The following RIT2 variants were observed in gnomAD, a reference collection of about 807,000 sequenced individuals.
RIT2 encodes the protein Ras like without CAAX 2, also known as GTP-binding protein Rit2.
In RIT2, 24 loss-of-function variants were observed where a neutral mutation model predicts 23.7. That is an observed-to-expected ratio of 1.01 (90% confidence interval 0.73 to 1.43). The LOEUF (loss-of-function observed/expected upper bound fraction) is 1.43. Ranked by LOEUF, RIT2 falls within the 40% of genes most tolerant of loss-of-function variation. The pLI, the probability that RIT2 is intolerant of heterozygous loss-of-function variation, is 0.00. For synonymous variants in RIT2, 107 were observed against 91.1 expected, an observed-to-expected ratio of 1.17 and a Z score of -0.99; for missense variants, 236 against 266.9, an observed-to-expected ratio of 0.88 and a Z score of 0.81.
At chr18:42,802,106 A>G (rs541148302) in intron 4 of RIT2, among the ~76,000 whole-genome samples, 1 of 152,372 alleles carries the variant, frequency 6.6e-6, no homozygotes, top group African/African-American at 2.4e-5. Context: ...CAGAAAATAT[A>G]GGATATCATA....
intron 4 of RIT2, among the ~76,000 whole-genome samples, chr18:42,821,192 CA>C (rs2143992360): frequency 6.6e-6 from 1 of 152,124 alleles, no homozygotes; most frequent in African/African-American, 2.4e-5. Flanking sequence ...GAAAAACGGA[CA>C]AATACAGACC....
chr18:42,761,818 C>T (rs1913310489), intron 4 of RIT2, among the ~76,000 whole-genome samples: 1 of 152,168 alleles, frequency 6.6e-6, no homozygotes, highest in South Asian at 2.1e-4. Flanking sequence ...GCTGGGATTA[C>T]AGGAATGCAC....
At chr18:43,002,522 C>A (rs1246479224) in intron 2 of RIT2, among the ~76,000 whole-genome samples, 1 of 16,660 alleles carries the variant, frequency 6.0e-5, no homozygotes, top group African/African-American at 9.9e-5. Context: ...GTGACAATTA[C>A]CACCCTCTAC....
chr18:42,786,884 CA>C (rs1417565755), intron 4 of RIT2, among the ~76,000 whole-genome samples: 1 of 152,070 alleles, frequency 6.6e-6, no homozygotes, highest in Non-Finnish European at 1.5e-5. Flanking sequence ...TCATCCTGTT[CA>C]GAATTTCTAC....
chr18:42,776,750 C>A (rs965476586), intron 4 of RIT2, among the ~76,000 whole-genome samples: 3 of 152,098 alleles, frequency 2.0e-5, no homozygotes, highest in African/African-American at 7.2e-5. Flanking sequence ...CTGTTTCTCA[C>A]ACTCTCAATT....
chr18:42,997,346 G>C (rs533222451), intron 2 of RIT2, among the ~76,000 whole-genome samples: 4 of 151,660 alleles, frequency 2.6e-5, no homozygotes, highest in African/African-American at 2.4e-5. Flanking sequence ...GACTGCATTT[G>C]GGGGGGAAGA....
intron 2 of RIT2, among the ~76,000 whole-genome samples, chr18:42,994,261 C>G (rs1360901898): frequency 6.6e-6 from 1 of 152,280 alleles, no homozygotes; most frequent in Non-Finnish European, 1.5e-5. Flanking sequence ...CGGACAGCCC[C>G]CGTTACTTCA....
At chr18:42,918,994 G>A (rs1224050681) in intron 4 of RIT2, among the ~76,000 whole-genome samples, 2 of 151,994 alleles carry the variant, frequency 1.3e-5, no homozygotes, top group South Asian at 2.1e-4. Flanking sequence ...GTGCTATATT[G>A]TTCAACATGT....
intron 1 of RIT2, among the ~76,000 whole-genome samples, chr18:43,108,347 C>CGT (rs138256652): frequency 0.17 from 24,848 of 149,198 alleles, 2,261 homozygotes; most frequent in East Asian, 0.36. Context: ...GGCCATATTA[C>CGT]GTGTGTGTGT....
At chr18:43,089,022 T>C (rs1913354555) in intron 1 of RIT2, among the ~76,000 whole-genome samples, 1 of 152,046 alleles carries the variant, frequency 6.6e-6, no homozygotes, top group African/African-American at 2.4e-5. Flanking sequence ...CACATGTATG[T>C]TTTAAATAGA....
At chr18:42,800,259 C>T (rs1905491112) in intron 4 of RIT2, among the ~76,000 whole-genome samples, 1 of 152,120 alleles carries the variant, frequency 6.6e-6, no homozygotes, top group African/African-American at 2.4e-5. Context: ...TGTTTGAGGA[C>T]AGCACATTTC....
chr18:43,070,195 A>C (rs532428680), intron 1 of RIT2, among the ~76,000 whole-genome samples: 2 of 152,294 alleles, frequency 1.3e-5, no homozygotes, highest in East Asian at 3.9e-4. Context: ...GGCTCTATTT[A>C]AGGAAGCATA....
rs539546963 is a variant in RIT2 at position 42,983,750 on chromosome 18, G to A, written c.161-9603C>T. Among the ~76,000 whole-genome samples the A allele has an allele frequency of 2.6e-5, 4 of 152,144 alleles. No homozygotes were observed. The South Asian group carries it at 8.3e-4, about 32-fold the overall frequency. On this transcript the variant is annotated intron_variant, in intron 2 of 4. Coordinates refer to ENST00000326695, the MANE Select transcript of RIT2 (RefSeq NM_002930.4). ...ACATATAGATGGCAAATAAGCACATGAAAACATGTTCAACATTATTAGCCT... is the reference window on the plus strand; with the variant it reads ...ACATATAGATGGCAAATAAGCACATAAAAACATGTTCAACATTATTAGCCT...
intron 4 of RIT2, among the ~76,000 whole-genome samples, chr18:42,816,538 C>T (rs1017764207): frequency 3.3e-5 from 5 of 152,124 alleles, no homozygotes; most frequent in African/African-American, 1.2e-4. Context: ...GATACTTAAG[C>T]AAGTCTGCTC....
intron 4 of RIT2, among the ~76,000 whole-genome samples, chr18:42,843,318 C>T (rs1293689130): frequency 1.3e-5 from 2 of 152,220 alleles, no homozygotes; most frequent in African/African-American, 4.8e-5. Context: ...CTATGTCAGC[C>T]GTTGAAAAAT....
intron 1 of RIT2, among the ~76,000 whole-genome samples, chr18:43,073,384 G>A (rs1490989648): frequency 6.6e-6 from 1 of 152,202 alleles, no homozygotes; most frequent in African/African-American, 2.4e-5. Context: ...AGCAGAAAAT[G>A]TGAAAGAAGT....
chr18:42,745,483 G>A (rs59819966), intron 4 of RIT2, among the ~76,000 whole-genome samples: 2,646 of 152,194 alleles, frequency 0.017, 69 homozygotes, highest in African/African-American at 0.057. Context: ...AGATCTCACT[G>A]ATCCCACTAG....
intron 2 of RIT2, among the ~76,000 whole-genome samples, chr18:43,002,110 T>C (rs1489600161): frequency 1.3e-5 from 2 of 151,964 alleles, no homozygotes; most frequent in South Asian, 2.1e-4. Flanking sequence ...GTAGAGAAGC[T>C]GACAGTGCAG....
chr18:42,900,755 G>T (rs1341360972), intron 4 of RIT2, among the ~76,000 whole-genome samples: 1 of 152,044 alleles, frequency 6.6e-6, no homozygotes, highest in African/African-American at 2.4e-5. Context: ...AGGCAGAAGG[G>T]CTTAAGAGGA....
Sources: allele counts gnomAD v4.1 joint callset (sites outside exome capture counted in the v4.1 genomes callset), GRCh38; gene constraint gnomAD v4.1.1; transcripts MANE v1.5; gene names NCBI Gene and HGNC (gene_info 2026-07-23, HGNC 2026-07-21).